Variants in PLCB1 observed in about 807,000 individuals in gnomAD.
PLCB1 encodes the protein 1-phosphatidylinositol 4,5-bisphosphate phosphodiesterase beta-1.
In PLCB1, 46 loss-of-function variants were observed where a neutral mutation model predicts 161.8. That is an observed-to-expected ratio of 0.28 (90% CI 0.22 to 0.36). PLCB1 has a LOEUF of 0.36. Ranked by LOEUF, PLCB1 falls within the 10% of genes least tolerant of loss-of-function variation. The pLI is 1.00. For missense variants in PLCB1, 1,016 were observed against 1,472.5 expected, an observed-to-expected ratio of 0.69 and a Z score of 5.07; for synonymous variants, 517 against 503.7, an observed-to-expected ratio of 1.03 and a Z score of -0.35.
intron 3 of PLCB1, among the ~76,000 whole-genome samples, chr20:8,510,734 A>G (rs964244660): frequency 6.6e-5 from 10 of 152,118 alleles, no homozygotes; most frequent in African/African-American, 2.4e-4. Context: ...TACTGATCAC[A>G]CAGAACTGAA....
At position 8,474,630 on chromosome 20, in the gene PLCB1, G is replaced by A. The variant is rs765979482; in HGVS notation, c.246+103180G>A. Reference sequence around the variant, plus strand: ...TGACTATTGAGCCATAAAGCCACTCGATTTCAGGCTTGGCATTCATGCTCT... The same window carrying A: ...TGACTATTGAGCCATAAAGCCACTCAATTTCAGGCTTGGCATTCATGCTCT... On this transcript the variant is annotated intron_variant, in intron 3 of 31. Coordinates refer to ENST00000338037, the MANE Select transcript of PLCB1 (RefSeq NM_015192.4). Among the ~76,000 whole-genome samples, 7 of 152,154 alleles carry A rather than the reference G, an allele frequency of 4.6e-5. No individual in the cohort carries two copies. The East Asian group carries it at 9.7e-4, about 21-fold the overall frequency.
intron 3 of PLCB1, among the ~76,000 whole-genome samples, chr20:8,619,661 A>G (rs1031797043): frequency 2.0e-5 from 3 of 152,154 alleles, no homozygotes; most frequent in Non-Finnish European, 2.9e-5. Flanking sequence ...GAGTTGCCTA[A>G]TTTACAAAGC....
chr20:8,263,567 T>G (rs1568609952), intron 2 of PLCB1, among the ~76,000 whole-genome samples: 1 of 152,190 alleles, frequency 6.6e-6, no homozygotes, highest in Non-Finnish European at 1.5e-5. Context: ...TGTGTGAACA[T>G]CAGGGACTGA....
At chr20:8,470,814 T>A (rs1197838268) in intron 3 of PLCB1, among the ~76,000 whole-genome samples, 2 of 152,192 alleles carry the variant, frequency 1.3e-5, no homozygotes, top group Non-Finnish European at 2.9e-5. Flanking sequence ...TTTTTCTTTT[T>A]AAAATTTAAT....
chr20:8,289,537 C>G (rs1278310048), intron 2 of PLCB1, among the ~76,000 whole-genome samples: 2 of 152,090 alleles, frequency 1.3e-5, no homozygotes, highest in Non-Finnish European at 2.9e-5. Flanking sequence ...AGAGGTTAAG[C>G]CATGTGCTCA....
intron 2 of PLCB1, among the ~76,000 whole-genome samples, chr20:8,329,069 G>C (rs1985266738): frequency 6.6e-6 from 1 of 152,146 alleles, no homozygotes; most frequent in Non-Finnish European, 1.5e-5. Context: ...GTTAGTTTGA[G>C]GAGGTCTTAA....
intron 2 of PLCB1, among the ~76,000 whole-genome samples, chr20:8,271,938 T>A (rs996355084): frequency 6.6e-6 from 1 of 151,920 alleles, no homozygotes; most frequent in African/African-American, 2.4e-5. Context: ...AAAGAGGAAG[T>A]GGGGAGGGAA....
At chr20:8,549,305 T>C (rs1426703843) in intron 3 of PLCB1, among the ~76,000 whole-genome samples, 1 of 152,216 alleles carries the variant, frequency 6.6e-6, no homozygotes, top group Non-Finnish European at 1.5e-5. Context: ...TGCTTGCTTT[T>C]AACTATTTTC....
At chr20:8,351,371 C>T (rs1600335695) in intron 2 of PLCB1, among the ~76,000 whole-genome samples, 1 of 151,872 alleles carries the variant, frequency 6.6e-6, no homozygotes, top group Non-Finnish European at 1.5e-5. Flanking sequence ...ATGTAAAATG[C>T]AAACCAATTA....
intron 3 of PLCB1, among the ~76,000 whole-genome samples, chr20:8,601,375 C>T (rs1987581936): frequency 6.6e-6 from 1 of 152,108 alleles, no homozygotes; most frequent in South Asian, 2.1e-4. Flanking sequence ...TCTCCTCCCA[C>T]CCTGCACCCT....
chr20:8,626,319 C>T (rs1292721782), intron 3 of PLCB1, among the ~76,000 whole-genome samples: 4 of 152,006 alleles, frequency 2.6e-5, no homozygotes, highest in African/African-American at 9.7e-5. Flanking sequence ...TTGTTTTCTA[C>T]TCTGAGCACC....
chr20:8,314,961 T>A (rs1984571490), intron 2 of PLCB1, among the ~76,000 whole-genome samples: 1 of 152,200 alleles, frequency 6.6e-6, no homozygotes. Flanking sequence ...GATTTGACCT[T>A]ATGCAATTGT....
intron 3 of PLCB1, among the ~76,000 whole-genome samples, chr20:8,441,247 CAGA>C (rs1361859630): frequency 6.6e-6 from 1 of 152,138 alleles, no homozygotes; most frequent in Non-Finnish European, 1.5e-5. Flanking sequence ...GTTAGCTCTA[CAGA>C]ATTATAGTTG....
intron 31 of PLCB1, among the ~76,000 whole-genome samples, chr20:8,852,010 G>A (rs577599241): frequency 9.9e-5 from 15 of 152,070 alleles, no homozygotes; most frequent in Middle Eastern, 3.2e-3. Context: ...TTAAAAACCC[G>A]ACTACAGCTA....
intron 31 of PLCB1, among the ~76,000 whole-genome samples, chr20:8,871,073 C>T (rs1987592550): frequency 6.6e-6 from 1 of 152,154 alleles, no homozygotes; most frequent in African/African-American, 2.4e-5. Flanking sequence ...ATGTACATTA[C>T]CTTGTCACTT....
chr20:8,133,309 C>G (rs2051312120), intron 1 of PLCB1, among the ~76,000 whole-genome samples: 1 of 152,098 alleles, frequency 6.6e-6, no homozygotes, highest in African/African-American at 2.4e-5. Context: ...GCGCCTGGCT[C>G]CGGAGTGAGG....
chr20:8,560,043 T>A (rs1336813862), intron 3 of PLCB1, among the ~76,000 whole-genome samples: 4 of 151,998 alleles, frequency 2.6e-5, no homozygotes, highest in Non-Finnish European at 4.4e-5. Context: ...ATTGTAGACT[T>A]TATAGTCCAA....
At chr20:8,671,323 A>C (rs6140679) in intron 9 of PLCB1, among the ~76,000 whole-genome samples, 10,963 of 152,284 alleles carry the variant, frequency 0.072, 507 homozygotes, top group East Asian at 0.17. Context: ...CAAAGCCCAC[A>C]AAACAATGTC....
At chr20:8,681,106 A>ATATATG (rs1201473633) in intron 9 of PLCB1, among the ~76,000 whole-genome samples, 13 of 133,456 alleles carry the variant, frequency 9.7e-5, no homozygotes, top group African/African-American at 3.6e-4. Flanking sequence ...ATATATATAT[A>ATATATG]TATATATATA....
Sources: gnomAD v4.1 joint callset for allele counts (sites outside exome capture counted in the v4.1 genomes callset) on GRCh38, gnomAD v4.1.1 for gene constraint, MANE v1.5 for transcripts, NCBI Gene and HGNC (gene_info 2026-07-23, HGNC 2026-07-21) for gene names.